Variants in RASGRF1 observed in about 807,000 individuals in gnomAD.
RASGRF1 encodes the protein Ras protein specific guanine nucleotide releasing factor 1, also known as ras-specific guanine nucleotide-releasing factor 1.
Under a neutral mutation model 138.7 loss-of-function variants are expected in RASGRF1, and 40 were observed. The ratio of observed to expected loss-of-function variants is 0.29; its 90% confidence interval spans 0.22 to 0.38. RASGRF1 has a LOEUF of 0.38. RASGRF1 is among the 10% of genes least tolerant of loss of function. The probability of loss-of-function intolerance (pLI) is 1.00; values close to 1 mark genes in which losing one functional copy is unlikely to be tolerated. For synonymous variants in RASGRF1, 614 were observed against 663.2 expected (o/e 0.93, Z 1.14); for missense variants, 1,108 against 1,650.4 (o/e 0.67, Z 5.69).
intron 17 of RASGRF1, 86 bp from the exon 18 acceptor site, chr15:78,998,911 C>G: frequency 9.1e-7 from 1 of 1,097,546 alleles, no homozygotes; most frequent in Non-Finnish European, 1.4e-6. Flanking sequence ...CCTCTCGGAT[C>G]TGGCTGAGCT....
chr15:79,083,194 T>C (rs1168539956), intron 1 of RASGRF1, among the ~76,000 whole-genome samples: 2 of 152,166 alleles, frequency 1.3e-5, no homozygotes, highest in Non-Finnish European at 2.9e-5. Flanking sequence ...AGGCTGGAAA[T>C]GAAGGCTGCA....
chr15:78,963,807 TCA>T (rs2141581916), intron 26 of RASGRF1, among the ~76,000 whole-genome samples: 1 of 152,186 alleles, frequency 6.6e-6, no homozygotes, highest in East Asian at 1.9e-4. Context: ...ACTTTAGATA[TCA>T]CAGTCTGGTT....
intron 24 of RASGRF1, among the ~76,000 whole-genome samples, chr15:78,975,815 C>A (rs888951743): frequency 6.6e-6 from 1 of 152,150 alleles, no homozygotes; most frequent in Non-Finnish European, 1.5e-5. Flanking sequence ...CCACTGTGCC[C>A]GGCCAGCTCT....
chr15:79,052,637 C>T (rs2057448405), intron 3 of RASGRF1, among the ~76,000 whole-genome samples: 1 of 152,190 alleles, frequency 6.6e-6, no homozygotes, highest in Non-Finnish European at 1.5e-5. Flanking sequence ...GTACCCACTG[C>T]CATGGGAGAG....
rs1275282101 is a variant in RASGRF1 at position 79,032,257 on chromosome 15, G to A, written c.1018C>T (p.His340Tyr). ...LNIYQEFVRNHQYSLQILAHC... is the reference protein window; with the variant it reads ...LNIYQEFVRNYQYSLQILAHC... ...GCCAGGATCTGCAGGCTGTACTGGT[G>A]GTTGCGGACGAACTCTTGGTAGATG... The change falls in exon 7 of 27, where the codon CAC (histidine) becomes TAC (tyrosine). Residue 340 changes from histidine to tyrosine, a missense_variant. Physicochemically the swap from His to Tyr is moderately conservative, Grantham distance 83 (BLOSUM62 2). Coordinates refer to ENST00000558480, the MANE Select transcript of RASGRF1 (RefSeq NM_001145648.3). The surrounding 1 kb of genome is among the most constrained non-coding windows in gnomAD (Gnocchi z 4.5). 1 of 1,614,058 alleles carries A rather than the reference G, an allele frequency of 6.2e-7. No homozygotes were observed.
At chr15:79,035,345 C>A (rs1567555160) in intron 5 of RASGRF1, 135 bp from the exon 6 acceptor site, 2 of 637,874 alleles carry the variant, frequency 3.1e-6, no homozygotes, top group Non-Finnish European at 5.5e-6. Flanking sequence ...AAAACTGCAC[C>A]GGCAGGATGG....
In RASGRF1 at chr15:79,032,331, C is replaced by T. The variant is rs1396721132; in HGVS notation, c.959-15G>A. On this transcript the variant is annotated splice_polypyrimidine_tract_variant and intron_variant, in intron 6 of 26. Coordinates refer to ENST00000558480, the MANE Select transcript of RASGRF1 (RefSeq NM_001145648.3). The surrounding 1 kb of genome is among the most constrained non-coding windows in gnomAD (Gnocchi z 4.5). The stretch of plus-strand genomic sequence containing the variant: ...AAATAGGTCAGCTGGAAGGACGAGG[C>T]AGTCAGCGGGTGGCTAGGGCAGCTT... 1.2e-6 allele frequency: 2 copies of T among 1,612,834 alleles called. No homozygotes were observed. The highest frequency in any genetic ancestry group is 1.1e-5 in the South Asian group (1 of 90,880).
intron 2 of RASGRF1, among the ~76,000 whole-genome samples, chr15:79,060,579 C>T (rs2057590611): frequency 2.0e-5 from 3 of 152,162 alleles, no homozygotes; most frequent in Non-Finnish European, 4.4e-5. Flanking sequence ...TCCTGTGTGA[C>T]ATTGGGTCAC....
chr15:79,079,669 G>C (rs2057888517), intron 1 of RASGRF1, among the ~76,000 whole-genome samples: 1 of 152,194 alleles, frequency 6.6e-6, no homozygotes, highest in African/African-American at 2.4e-5. Context: ...ATCCCTCTGG[G>C]AGAATGGATA....
intron 3 of RASGRF1, among the ~76,000 whole-genome samples, chr15:79,055,121 C>T (rs537836121): frequency 6.6e-5 from 10 of 152,244 alleles, no homozygotes; most frequent in South Asian, 4.2e-4. Context: ...GTGGTGGAGG[C>T]GAGAGACTTT....
At chr15:79,018,120 GGCAGTTCCGGATTCAGA>G (rs1451087778) in intron 11 of RASGRF1, among the ~76,000 whole-genome samples, 1 of 152,254 alleles carries the variant, frequency 6.6e-6, no homozygotes, top group African/African-American at 2.4e-5. Context: ...ACCACTCAGG[GGCAGTTCCGGATTCAGA>G]GCAGGAGAGC....
At chr15:78,978,378 C>T (rs2055927241) in intron 24 of RASGRF1, 1 of 380,328 alleles carries the variant, frequency 2.6e-6, no homozygotes, top group African/African-American at 2.2e-5. Flanking sequence ...GCATGTGCCA[C>T]CACGCCTGGC....
intron 1 of RASGRF1, among the ~76,000 whole-genome samples, 186 bp downstream of exon 1, chr15:79,090,037 C>G (rs1267108801): frequency 6.6e-6 from 1 of 152,236 alleles, no homozygotes; most frequent in African/African-American, 2.4e-5. Context: ...ATCCCTGCCC[C>G]CTCTGCCCGC....
At chr15:78,968,279 T>TGTGTGTGTGTGTGTGTG (rs1567417630) in intron 26 of RASGRF1, among the ~76,000 whole-genome samples, 15 of 151,198 alleles carry the variant, frequency 9.9e-5, no homozygotes, top group South Asian at 4.2e-4. Flanking sequence ...TGTGTGTGTG[T>TGTGTGTGTGTGTGTGTG]TTTATTTTTA....
intron 5 of RASGRF1, among the ~76,000 whole-genome samples, chr15:79,041,242 A>G (rs2057293690): frequency 6.6e-6 from 1 of 152,248 alleles, no homozygotes; most frequent in Non-Finnish European, 1.5e-5. Context: ...GCTTGGTTGT[A>G]ACAGAAATGG....
In RASGRF1 at chr15:79,046,922, A is replaced by G. The variant is rs759431711; in HGVS notation, c.702T>C (p.His234=). ...GGTTCCTCTTGCGCATGCTGTCAGCATGGGGTGACCGGATGTAGTCCTGGA... is the reference window on the plus strand; with the variant it reads ...GGTTCCTCTTGCGCATGCTGTCAGCGTGGGGTGACCGGATGTAGTCCTGGA... ...TIIQDYIRSP[H]ADSMRKRNQV... Residue 234 remains histidine (H), a synonymous_variant, in exon 5 of 27, where the codon CAT becomes CAC. Coordinates refer to ENST00000558480, the MANE Select transcript of RASGRF1 (RefSeq NM_001145648.3). This position sits in a 1 kb window ranked among gnomAD's most constrained non-coding sequence, Gnocchi z 5.3. The G allele has an allele frequency of 6.2e-7, 1 of 1,614,144 alleles. No homozygotes were observed.
chr15:79,025,228 A>C, intron 10 of RASGRF1, 86 bp downstream of exon 10: 1 of 1,425,876 alleles, frequency 7.0e-7, no homozygotes, highest in Non-Finnish European at 9.4e-7. Flanking sequence ...CCTGCCCACC[A>C]CCTGGGCCCA....
intron 18 of RASGRF1, 70 bp from the exon 19 acceptor site, chr15:78,998,278 GC>G: frequency 7.9e-7 from 1 of 1,273,066 alleles, no homozygotes; most frequent in Non-Finnish European, 1.1e-6. Flanking sequence ...CTGGGCCCAG[GC>G]CAGAGGAAGG....
intron 21 of RASGRF1, among the ~76,000 whole-genome samples, chr15:78,991,370 T>A (rs1371436912): frequency 1.3e-5 from 2 of 152,240 alleles, no homozygotes; most frequent in African/African-American, 4.8e-5. Context: ...CCCACGCTCT[T>A]GCCTGTGTGC....
Sources: allele counts gnomAD v4.1 joint callset (sites outside exome capture counted in the v4.1 genomes callset), GRCh38; gene constraint gnomAD v4.1.1; non-coding constraint Gnocchi (gnomAD v3.1); transcripts MANE v1.5; gene names NCBI Gene and HGNC (gene_info 2026-07-23, HGNC 2026-07-21).